The following PLA2G4E variants were observed in gnomAD, a reference collection of about 807,000 sequenced individuals.
The protein encoded by PLA2G4E is phospholipase A2 group IVE.
Under a neutral mutation model 109.1 loss-of-function variants are expected in PLA2G4E, and 84 were observed. The ratio of observed to expected loss-of-function variants is 0.77; its 90% CI spans 0.65 to 0.92. The LOEUF is 0.92. Ranked by LOEUF, PLA2G4E falls within the 40% of genes least tolerant of loss-of-function variation. PLA2G4E has a pLI of 0.00. For missense variants in PLA2G4E, 1,057 were observed against 1,076.6 expected (o/e 0.98, Z 0.25); for synonymous variants, 469 against 436.1 (o/e 1.08, Z -0.94).
exon 20 of PLA2G4E, chr15:41,981,904 C>G (rs2068072893): frequency 1.3e-5 from 2 of 152,238 alleles, no homozygotes; most frequent in South Asian, 4.1e-4. Context: ...TCATACGTTC[C>G]AAGCTCATGG....
At chr15:42,017,519 T>C (rs1006210439) in intron 1 of PLA2G4E, among the ~76,000 whole-genome samples, 1 of 152,242 alleles carries the variant, frequency 6.6e-6, no homozygotes, top group Non-Finnish European at 1.5e-5. Context: ...TTCGTCTTTA[T>C]AGATGGAGAG....
chr15:41,994,414 C>G (rs766776404), intron 12 of PLA2G4E, among the ~76,000 whole-genome samples: 2 of 152,252 alleles, frequency 1.3e-5, no homozygotes, highest in African/African-American at 4.8e-5. Context: ...AGCAAGGGAC[C>G]TCAGGGCTCA....
At chr15:42,011,094 C>T (rs1043731101) in intron 2 of PLA2G4E, among the ~76,000 whole-genome samples, 1 of 152,144 alleles carries the variant, frequency 6.6e-6, no homozygotes, top group African/African-American at 2.4e-5. Flanking sequence ...GTTGGCACCC[C>T]GAGATGCCAC....
intron 1 of PLA2G4E, among the ~76,000 whole-genome samples, chr15:42,034,428 T>C (rs537674322): frequency 2.3e-4 from 35 of 152,318 alleles, no homozygotes; most frequent in Admixed American, 1.7e-3. Flanking sequence ...TGTCTGTATG[T>C]GGGATGCTGG....
At chr15:42,050,542 A>G (rs1291072944) in exon 1 of PLA2G4E, 1 of 1,550,584 alleles carries the variant, frequency 6.4e-7, no homozygotes. Flanking sequence ...AAGGAGCCAT[A>G]GGACAGAAAG....
chr15:41,994,510 A>G (rs2068306133), intron 12 of PLA2G4E, among the ~76,000 whole-genome samples: 1 of 152,174 alleles, frequency 6.6e-6, no homozygotes, highest in African/African-American at 2.4e-5. Flanking sequence ...TGGGCCCCAC[A>G]AAAAATGTTT....
intron 1 of PLA2G4E, among the ~76,000 whole-genome samples, chr15:42,046,064 C>G (rs192201572): frequency 6.6e-6 from 1 of 152,270 alleles, no homozygotes; most frequent in Non-Finnish European, 1.5e-5. Context: ...TAAATTCGAC[C>G]TCCAGGAAAC....
At chr15:41,987,057 G>T in intron 17 of PLA2G4E, 115 bp downstream of exon 17, 1 of 1,066,800 alleles carries the variant, frequency 9.4e-7, no homozygotes, top group Non-Finnish European at 1.4e-6. Flanking sequence ...GAGGTGCCTG[G>T]CCCAGTGAAC....
chr15:42,012,942 G>A (rs2141056181), intron 2 of PLA2G4E, among the ~76,000 whole-genome samples: 1 of 152,314 alleles, frequency 6.6e-6, no homozygotes. Context: ...TGGGGCCAGG[G>A]GTGGGCAGTG....
At chr15:42,023,419 G>C (rs551021099) in intron 1 of PLA2G4E, among the ~76,000 whole-genome samples, 3 of 151,820 alleles carry the variant, frequency 2.0e-5, no homozygotes, top group African/African-American at 7.3e-5. Context: ...AGCAGTAGGG[G>C]GCTATTGATG....
chr15:42,019,908 G>C (rs539404043), intron 1 of PLA2G4E, among the ~76,000 whole-genome samples: 2 of 152,230 alleles, frequency 1.3e-5, no homozygotes, highest in African/African-American at 4.8e-5. Flanking sequence ...GCTCTTAACT[G>C]CTTCACTGCC....
chr15:42,028,706 C>T (rs1346667994), intron 1 of PLA2G4E, among the ~76,000 whole-genome samples: 2 of 152,204 alleles, frequency 1.3e-5, no homozygotes, highest in Admixed American at 1.3e-4. Context: ...CGTGCCCAGC[C>T]TGTACTCTCT....
intron 1 of PLA2G4E, among the ~76,000 whole-genome samples, chr15:42,016,047 C>T (rs991303639): frequency 2.6e-5 from 4 of 152,134 alleles, no homozygotes; most frequent in African/African-American, 7.2e-5. Context: ...TTTATAGAAG[C>T]GTCTGAACCG....
intron 2 of PLA2G4E, 39 bp downstream of exon 2, chr15:42,013,646 C>T (rs200697608): frequency 3.1e-4 from 458 of 1,466,380 alleles, no homozygotes; most frequent in East Asian, 2.9e-3. Flanking sequence ...CATCCAGATC[C>T]GGTAAGCAGA....
exon 1 of PLA2G4E, chr15:42,050,601 A>C: frequency 6.4e-7 from 1 of 1,550,582 alleles, no homozygotes; most frequent in Non-Finnish European, 8.7e-7. Context: ...AACTCACTGA[A>C]ACTTCTTCCT....
chr15:42,044,537 A>G (rs1469990652), intron 1 of PLA2G4E, among the ~76,000 whole-genome samples: 1 of 151,650 alleles, frequency 6.6e-6, no homozygotes. Flanking sequence ...AGCAAGGACA[A>G]AAAACCAAAC....
At chr15:42,021,508 C>A (rs2068648366) in intron 1 of PLA2G4E, among the ~76,000 whole-genome samples, 1 of 151,730 alleles carries the variant, frequency 6.6e-6, no homozygotes, top group Non-Finnish European at 1.5e-5. Flanking sequence ...GGGTCCCTGG[C>A]CACAACTCCC....
At chr15:42,042,271 ATATAAAGAAAATTTATTTC>A (rs1203196179) in intron 1 of PLA2G4E, among the ~76,000 whole-genome samples, 1 of 152,224 alleles carries the variant, frequency 6.6e-6, no homozygotes. Context: ...ATATACGTAT[ATATAAAGAAAATTTATTTC>A]TAAATATATG....
chr15:41,996,230 C>T (rs1036157294), intron 11 of PLA2G4E, among the ~76,000 whole-genome samples: 2 of 151,862 alleles, frequency 1.3e-5, no homozygotes, highest in Non-Finnish European at 2.9e-5. Context: ...TTCCTGGAGT[C>T]CCAGCTACTT....
Sources: allele counts gnomAD v4.1 joint callset (sites outside exome capture counted in the v4.1 genomes callset), GRCh38; gene constraint gnomAD v4.1.1; transcripts MANE v1.5; gene names NCBI Gene and HGNC (gene_info 2026-07-23, HGNC 2026-07-21).